The following TMOD3 variants were observed in gnomAD, a reference collection of about 807,000 sequenced individuals.
The protein encoded by TMOD3 is tropomodulin-3.
TMOD3 carries 20 observed loss-of-function variants against 39.2 expected under a neutral mutation model. That is an observed-to-expected ratio of 0.51 (90% CI 0.36 to 0.74). The LOEUF (loss-of-function observed/expected upper bound fraction) is 0.74, where lower values mean the gene tolerates loss of function less well. Among genes scored for constraint, TMOD3 ranks in the 30% least tolerant of loss-of-function variants. The probability of loss-of-function intolerance (pLI) is 0.00; values close to 1 mark genes in which losing one functional copy is unlikely to be tolerated. For missense variants in TMOD3, 381 were observed against 412.8 expected, an observed-to-expected ratio of 0.92 and a Z score of 0.67; for synonymous variants, 143 against 145.8, an observed-to-expected ratio of 0.98 and a Z score of 0.14.
At position 51,866,968 on chromosome 15, in the gene TMOD3, G is replaced by A. The variant is rs111437881; in HGVS notation, c.127-2249G>A. 9.8e-3 allele frequency among the ~76,000 whole-genome samples: 1,492 copies of A among 152,282 alleles called. 29 individuals are homozygous for A. The highest frequency in any genetic ancestry group is 0.034 in the African/African-American group (1,430 of 41,566). The stretch of plus-strand genomic sequence containing the variant: ...TTAAGAAAAGCTTCCCTGGGGGAAT[G>A]GAGCTACAATCTGAAAAATGAGTTG... On this transcript the variant is annotated intron_variant, in intron 2 of 9. Transcript: ENST00000308580.
chr15:51,863,447 G>A (rs189091754), intron 2 of TMOD3, among the ~76,000 whole-genome samples: 23 of 152,280 alleles, frequency 1.5e-4, no homozygotes, highest in Admixed American at 7.2e-4. Context: ...GAGGCTGACC[G>A]AATTGATTAC....
At chr15:51,895,216 C>CT (rs974778013) in intron 6 of TMOD3, among the ~76,000 whole-genome samples, 2,941 of 138,124 alleles carry the variant, frequency 0.021, 105 homozygotes, top group Admixed American at 0.084. Flanking sequence ...TGATTACTAA[C>CT]TTTTTTTTTT....
chr15:51,891,576 C>G (rs1033406814), intron 5 of TMOD3, among the ~76,000 whole-genome samples: 2 of 152,106 alleles, frequency 1.3e-5, no homozygotes, highest in African/African-American at 4.8e-5. Context: ...GAACCTTTTG[C>G]TTAATAATTC....
At chr15:51,902,894 A>G (rs1253441665) in intron 9 of TMOD3, among the ~76,000 whole-genome samples, 2 of 150,500 alleles carry the variant, frequency 1.3e-5, no homozygotes, top group Admixed American at 6.6e-5. Flanking sequence ...CTGATGATCC[A>G]CCCGCCTCGG....
At chr15:51,848,012 C>T (rs1287854758) in intron 1 of TMOD3, among the ~76,000 whole-genome samples, 1 of 152,092 alleles carries the variant, frequency 6.6e-6, no homozygotes, top group Non-Finnish European at 1.5e-5. Context: ...AAAAGAGGCC[C>T]TAGAGAGCTG....
chr15:51,872,840 T>C (rs1301609098), intron 3 of TMOD3, among the ~76,000 whole-genome samples: 1 of 152,092 alleles, frequency 6.6e-6, no homozygotes, highest in African/African-American at 2.4e-5. Flanking sequence ...GAACAAGAGA[T>C]TTTCATTCTC....
chr15:51,879,325 G>A (rs1459526166), intron 3 of TMOD3, among the ~76,000 whole-genome samples: 1 of 151,690 alleles, frequency 6.6e-6, no homozygotes, highest in African/African-American at 2.4e-5. Flanking sequence ...TTGGGGGTGG[G>A]GGATGTATCA....
intron 1 of TMOD3, among the ~76,000 whole-genome samples, chr15:51,841,608 C>CT (rs2056313038): frequency 6.6e-6 from 1 of 152,202 alleles, no homozygotes; most frequent in Admixed American, 6.5e-5. Context: ...GACTTCCCTT[C>CT]TTTCATCAGT....
chr15:51,884,547 G>A (rs577004931), intron 3 of TMOD3: 1 of 152,246 alleles, frequency 6.6e-6, no homozygotes, highest in East Asian at 1.9e-4. Flanking sequence ...TGTAAAAGTT[G>A]ACAATTGAGG....
At chr15:51,876,646 A>G (rs2056505382) in intron 3 of TMOD3, among the ~76,000 whole-genome samples, 1 of 151,914 alleles carries the variant, frequency 6.6e-6, no homozygotes, top group African/African-American at 2.4e-5. Flanking sequence ...TATTTTTAGT[A>G]GAGACGGGGT....
Position 51,851,598 on chromosome 15 carries a change from C to T in TMOD3, c.-74-11213C>T, listed in dbSNP as rs943486059. On this transcript the variant is annotated intron_variant, in intron 1 of 9. Coordinates refer to ENST00000308580, the MANE Select transcript of TMOD3 (RefSeq NM_014547.5). ...ACAATGTGGATCTCAAAACAGATTA[C>T]GATGAAAATATCAACCAAGAAACTC... 2.0e-5 allele frequency among the ~76,000 whole-genome samples: 3 copies of T among 151,872 alleles called. No individual in the cohort carries two copies. In the South Asian group the frequency reaches 6.2e-4, roughly 32 times the overall value.
At chr15:51,886,878 T>C (rs1003055627) in intron 3 of TMOD3, among the ~76,000 whole-genome samples, 1 of 152,216 alleles carries the variant, frequency 6.6e-6, no homozygotes, top group Non-Finnish European at 1.5e-5. Context: ...AGAATCATAA[T>C]TGTCTCTGCT....
chr15:51,884,403 G>T (rs1315612988), intron 3 of TMOD3, among the ~76,000 whole-genome samples: 1 of 152,208 alleles, frequency 6.6e-6, no homozygotes, highest in Non-Finnish European at 1.5e-5. Context: ...GAATACAGAA[G>T]TACTTTATTT....
chr15:51,912,505 TTAAAA>T lies in TMOD3; in HGVS notation c.*3699_*3703del, dbSNP rs2056716846. The T allele has an allele frequency of 6.6e-6, 1 of 152,144 alleles. No individual in the cohort carries two copies. Among genetic ancestry groups the T allele is most frequent in the South Asian group, 2.1e-4 (1 of 4,824 alleles). The allele number at this position is 152,144 out of a possible 1,614,324, so 9.4% of individuals were successfully genotyped here. On this transcript the variant is annotated 3_prime_UTR_variant, in exon 10 of 10. Coordinates refer to ENST00000308580, the MANE Select transcript of TMOD3 (RefSeq NM_014547.5). The stretch of plus-strand genomic sequence containing the variant: ...ACGTTATATTTAACTCTTGCTGTCA[TTAAAA>T]TAAGATGACAACATTTATGAAGTTT...
intron 5 of TMOD3, among the ~76,000 whole-genome samples, chr15:51,889,740 T>A (rs1814048696): frequency 6.6e-6 from 1 of 152,030 alleles, no homozygotes; most frequent in Non-Finnish European, 1.5e-5. Flanking sequence ...GTGGCACATG[T>A]CTCTAGTCTC....
At chr15:51,859,470 C>T (rs1016502754) in intron 1 of TMOD3, 1 of 653,768 alleles carries the variant, frequency 1.5e-6, no homozygotes, top group African/African-American at 1.8e-5. Context: ...AAATGGATGG[C>T]TGTTCTGTAA....
intron 1 of TMOD3, among the ~76,000 whole-genome samples, chr15:51,858,809 A>C (rs1440771412): frequency 6.6e-6 from 1 of 152,168 alleles, no homozygotes; most frequent in African/African-American, 2.4e-5. Flanking sequence ...GAAAACATTT[A>C]GGACTTATGG....
intron 6 of TMOD3, among the ~76,000 whole-genome samples, chr15:51,894,237 T>TAAG (rs2056609945): frequency 6.6e-6 from 1 of 152,088 alleles, no homozygotes; most frequent in Non-Finnish European, 1.5e-5. Context: ...ATTTAGCCTC[T>TAAG]TGGGTCTTGC....
rs991535745 is a variant in TMOD3 at position 51,909,654 on chromosome 15, G to A, written c.*844G>A. Reference sequence around the variant, plus strand: ...TAGTTATTTAGGGTAAGAGAAAAAAGAAAACTGTTAAACAATGAAATCAAA... The same window carrying A: ...TAGTTATTTAGGGTAAGAGAAAAAAAAAAACTGTTAAACAATGAAATCAAA... On this transcript the variant is annotated 3_prime_UTR_variant, in exon 10 of 10. Coordinates refer to ENST00000308580, the MANE Select transcript of TMOD3 (RefSeq NM_014547.5). 3 of 152,118 alleles carry A rather than the reference G, an allele frequency of 2.0e-5. No individual in the cohort carries two copies. Among genetic ancestry groups the A allele is most frequent in the Non-Finnish European group, 4.4e-5 (3 of 67,966 alleles). 9.4% of individuals were successfully genotyped at this position (152,118 alleles called of 1,614,324 possible).
Sources: gnomAD v4.1 joint callset for allele counts (sites outside exome capture counted in the v4.1 genomes callset) on GRCh38, gnomAD v4.1.1 for gene constraint, MANE v1.5 for transcripts, NCBI Gene and HGNC (gene_info 2026-07-23, HGNC 2026-07-21) for gene names.